Variants in LARP4 observed in about 807,000 individuals in gnomAD.
LARP4 encodes the protein la-related protein 4.
A neutral mutation model predicts 92.9 loss-of-function variants in LARP4; 29 were observed. The observed-to-expected ratio is 0.31, with a 90% CI of 0.23 to 0.43. The LOEUF (loss-of-function observed/expected upper bound fraction) is 0.43, where lower values mean the gene tolerates loss of function less well. Ranked by LOEUF, LARP4 falls within the 20% of genes least tolerant of loss-of-function variation. The pLI is 1.00. For synonymous variants in LARP4, 279 were observed against 284.1 expected, an observed-to-expected ratio of 0.98 and a Z score of 0.18; for missense variants, 732 against 860.0, an observed-to-expected ratio of 0.85 and a Z score of 1.86.
chr12:50,461,144 T>G lies in LARP4; in HGVS notation c.1131T>G (p.Pro377=). The G allele has an allele frequency of 6.2e-7, 1 of 1,613,472 alleles. No individual in the cohort carries two copies. Among genetic ancestry groups the G allele is most frequent in the Non-Finnish European group, 8.5e-7 (1 of 1,179,404 alleles). The change falls in exon 11 of 16, where the codon CCT becomes CCG. Residue 377 remains proline, a synonymous_variant. Coordinates refer to ENST00000398473, the MANE Select transcript of LARP4 (RefSeq NM_052879.5). Reference sequence around the variant, plus strand: ...TTTGTATTTCCTATAGTGTGAAGCCTCAGTTTAGGTCATCTGGTGGTTCAG... The same window carrying G: ...TTTGTATTTCCTATAGTGTGAAGCCGCAGTTTAGGTCATCTGGTGGTTCAG... ...GRPFQKNRVK[P]QFRSSGGSEH...
At chr12:50,438,190 T>A (rs1377839993) in intron 6 of LARP4, among the ~76,000 whole-genome samples, 1 of 152,136 alleles carries the variant, frequency 6.6e-6, no homozygotes, top group Non-Finnish European at 1.5e-5. Context: ...AAAAACTAGA[T>A]TTTGATTAAG....
At chr12:50,424,202 C>T (rs1327256217) in intron 1 of LARP4, among the ~76,000 whole-genome samples, 1 of 152,116 alleles carries the variant, frequency 6.6e-6, no homozygotes, top group African/African-American at 2.4e-5. Flanking sequence ...AAACCCAACT[C>T]TGCCAAATTT....
intron 10 of LARP4, among the ~76,000 whole-genome samples, chr12:50,455,334 C>T (rs1954023243): frequency 6.6e-6 from 1 of 152,112 alleles, no homozygotes; most frequent in Admixed American, 6.6e-5. Context: ...TCCCAAATTG[C>T]TAGGATTACA....
chr12:50,417,047 A>G (rs1257350943), intron 1 of LARP4, among the ~76,000 whole-genome samples: 1 of 152,138 alleles, frequency 6.6e-6, no homozygotes, highest in Non-Finnish European at 1.5e-5. Flanking sequence ...TTGATGAGAT[A>G]CTTTTGGTAC....
intron 10 of LARP4, among the ~76,000 whole-genome samples, chr12:50,457,304 T>A (rs1002413865): frequency 2.7e-5 from 4 of 150,246 alleles, no homozygotes; most frequent in African/African-American, 9.8e-5. Context: ...TCTCCCGGGT[T>A]CAAGCGATAC....
chr12:50,432,785 A>G (rs1949848352), intron 4 of LARP4, among the ~76,000 whole-genome samples: 4 of 147,440 alleles, frequency 2.7e-5, no homozygotes, highest in South Asian at 4.3e-4. Context: ...GCTTGAACCC[A>G]GGAGGTGGAG....
At chr12:50,474,306 G>C in intron 15 of LARP4, 139 bp downstream of exon 15, 1 of 640,436 alleles carries the variant, frequency 1.6e-6, no homozygotes, top group South Asian at 2.1e-5. Context: ...GAAGCTTAAG[G>C]AGTGTTAGGG....
At chr12:50,466,291 T>C (rs1216280245) in intron 12 of LARP4, among the ~76,000 whole-genome samples, 1 of 151,996 alleles carries the variant, frequency 6.6e-6, no homozygotes, top group African/African-American at 2.4e-5. Context: ...AGGAGGGATA[T>C]TGTTTTCTCT....
At chr12:50,436,578 G>A (rs1278768880) in intron 5 of LARP4, among the ~76,000 whole-genome samples, 1 of 152,180 alleles carries the variant, frequency 6.6e-6, no homozygotes, top group Non-Finnish European at 1.5e-5. Flanking sequence ...CTAATGAGTT[G>A]CTGTGGGCAG....
intron 1 of LARP4, chr12:50,402,791 T>C (rs996167657): frequency 2.2e-5 from 10 of 455,640 alleles, no homozygotes; most frequent in Admixed American, 4.7e-5. Flanking sequence ...ATGTTAGCAA[T>C]TCAGGCCTGT....
In LARP4 at chr12:50,441,627, A is replaced by T. The variant is rs540112594; in HGVS notation, c.788A>T (p.Gln263Leu). The stretch of plus-strand genomic sequence containing the variant: ...TTAAGAGAAGAAGTTAAAACATTTC[A>T]GGGCAAGCCAATTATGGTAAGAAAT... ...KYLREEVKTFQGKPIMARIKA... is the reference protein window; with the variant it reads ...KYLREEVKTFLGKPIMARIKA... Residue 263 changes from glutamine (Q) to leucine (L), a missense_variant, in exon 8 of 16, where the codon CAG (glutamine) becomes CTG (leucine). By Grantham distance (113) the Gln-to-Leu change is moderately radical (BLOSUM62 -2). Coordinates refer to ENST00000398473, the MANE Select transcript of LARP4 (RefSeq NM_052879.5). 6.2e-7 allele frequency: 1 copy of T among 1,602,368 alleles called. No homozygotes were observed. Among genetic ancestry groups the T allele is most frequent in the African/African-American group, 1.4e-5 (1 of 74,036 alleles).
Position 50,462,646 on chromosome 12 carries a change from CTT to C in LARP4, c.1383+19_1383+20del. On this transcript the variant is annotated intron_variant, in intron 12 of 15. Coordinates refer to ENST00000398473, the MANE Select transcript of LARP4 (RefSeq NM_052879.5). ...CAGGATCTCAGTAAGTTTTTTAAAA[CTT>C]TTATTCAGACTTTTTTCTCTTCTGT... The C allele has an allele frequency of 7.8e-7, 1 of 1,274,142 alleles. No individual in the cohort carries two copies. Among genetic ancestry groups the C allele is most frequent in the Non-Finnish European group, 1.0e-6 (1 of 966,412 alleles). 78.9% of individuals were successfully genotyped at this position (1,274,142 alleles called of 1,614,324 possible).
rs578050614 is a variant in LARP4, at chr12:50,457,057, C to A, written c.1121+2640C>A. 1.8e-4 allele frequency among the ~76,000 whole-genome samples: 27 copies of A among 152,230 alleles called. 1 individual carries two copies. The highest frequency in any genetic ancestry group is 1.4e-3 in the East Asian group (7 of 5,178). ...CCTTCTGAGTAGCTGGGACTACAGG[C>A]ATGTGCTAGCTAATTGTTGTATTTT... On this transcript the variant is annotated intron_variant, in intron 10 of 15. Transcript: ENST00000398473.
At chr12:50,438,737 G>A (rs1950792786) in intron 6 of LARP4, among the ~76,000 whole-genome samples, 1 of 152,156 alleles carries the variant, frequency 6.6e-6, no homozygotes, top group African/African-American at 2.4e-5. Flanking sequence ...TGGTTACGTA[G>A]CTTGCTCAAG....
At chr12:50,451,353 A>G (rs1280613461) in intron 8 of LARP4, among the ~76,000 whole-genome samples, 3 of 152,268 alleles carry the variant, frequency 2.0e-5, no homozygotes, top group South Asian at 4.1e-4. Context: ...ACTTAGCATA[A>G]TGTCTTCTAG....
At chr12:50,461,627 C>A in intron 11 of LARP4, 1 of 346,290 alleles carries the variant, frequency 2.9e-6, no homozygotes, top group Non-Finnish European at 5.3e-6. Flanking sequence ...TTAACATATC[C>A]ATTTGCCTTA....
At chr12:50,443,965 C>T (rs1419985374) in intron 8 of LARP4, among the ~76,000 whole-genome samples, 1 of 152,136 alleles carries the variant, frequency 6.6e-6, no homozygotes, top group Non-Finnish European at 1.5e-5. Context: ...TTTATTTCTG[C>T]TAGTTCTTTG....
At chr12:50,453,134 C>T (rs1314324397) in intron 8 of LARP4, among the ~76,000 whole-genome samples, 3 of 149,890 alleles carry the variant, frequency 2.0e-5, no homozygotes, top group African/African-American at 7.4e-5. Flanking sequence ...AGGGTGGCCT[C>T]GAACTCCTGG....
intron 11 of LARP4, among the ~76,000 whole-genome samples, chr12:50,461,931 C>G (rs1955450558): frequency 6.6e-6 from 1 of 152,084 alleles, no homozygotes; most frequent in African/African-American, 2.4e-5. Flanking sequence ...GCATTCCAGC[C>G]TGGGTGACAG....
Sources: allele counts gnomAD v4.1 joint callset (sites outside exome capture counted in the v4.1 genomes callset), GRCh38; gene constraint gnomAD v4.1.1; transcripts MANE v1.5; gene names NCBI Gene and HGNC (gene_info 2026-07-23, HGNC 2026-07-21).